MAPT: variants seen among roughly 807,000 people sequenced by gnomAD.
MAPT encodes the protein microtubule associated protein tau.
MAPT carries 34 observed loss-of-function variants against 67.9 expected under a neutral mutation model. That is an observed-to-expected ratio of 0.50 (90% CI 0.38 to 0.67). The LOEUF is 0.67. Among genes scored for constraint, MAPT ranks in the 30% least tolerant of loss-of-function variants. The pLI, the probability that MAPT is intolerant of heterozygous loss-of-function variation, is 0.00. For missense variants in MAPT, 881 were observed against 1,115.2 expected (o/e 0.79, Z 2.99); for synonymous variants, 456 against 464.5 (o/e 0.98, Z 0.23).
intron 1 of MAPT, among the ~76,000 whole-genome samples, chr17:45,950,882 C>G (rs1255406413): frequency 1.3e-5 from 2 of 152,120 alleles, no homozygotes; most frequent in Admixed American, 6.6e-5. Flanking sequence ...AGGCTGGTCT[C>G]GAACTCCTGG....
chr17:45,977,150 C>T (rs2072457209), intron 3 of MAPT: 1 of 152,462 alleles, frequency 6.6e-6, no homozygotes, highest in Non-Finnish European at 1.5e-5. Flanking sequence ...CCCGTGAGCC[C>T]ATTGCCCGCC....
rs1346195719 is a variant in MAPT at position 45,903,777 on chromosome 17, A to G, written c.-18+9091A>G. Among the ~76,000 whole-genome samples, 2 of 85,164 alleles carry G rather than the reference A, an allele frequency of 2.3e-5. 1 individual carries two copies. The highest frequency in any genetic ancestry group is 4.7e-5 in the Non-Finnish European group (2 of 42,668). The allele number at this position is 85,164 out of a possible 152,430, so 55.9% of individuals were successfully genotyped here. A position where few individuals can be genotyped will look rare whatever the true frequency, so the allele number is the denominator to read the frequency against. ...TATATTTTTTTTATATATATAATAT[A>G]TATTAAAATATAATATATATATTTA... On this transcript the variant is annotated intron_variant, in intron 1 of 12. Coordinates refer to ENST00000262410, the MANE Select transcript of MAPT (RefSeq NM_001377265.1).
In MAPT at chr17:45,945,396, A is replaced by G. The variant is rs1598085426; in HGVS notation, c.-17-16925A>G. On this transcript the variant is annotated intron_variant, in intron 1 of 12. Coordinates refer to ENST00000262410, the MANE Select transcript of MAPT (RefSeq NM_001377265.1). ...TGTAAAAGCCAATCCCTCCCCCTCT[A>G]GCATATTTAAGGGTAATGTTGAGTT... Among the ~76,000 whole-genome samples the G allele has an allele frequency of 2.0e-5, 3 of 152,140 alleles. No homozygotes were observed. In the South Asian group the frequency reaches 6.2e-4, roughly 32 times the overall value.
Position 46,024,533 on chromosome 17 carries a change from G to T in MAPT, c.*362G>T. ...AGGAGAGGCTCTGAAAGCTGCTTCT[G>T]GGGGATTTCAAGGGACTGGGGGTGC... On this transcript the variant is annotated 3_prime_UTR_variant, in exon 13 of 13. Coordinates refer to ENST00000262410, the MANE Select transcript of MAPT (RefSeq NM_001377265.1). The T allele has an allele frequency of 2.7e-6, 1 of 376,068 alleles. No homozygotes were observed. The highest frequency in any genetic ancestry group is 5.0e-6 in the Non-Finnish European group (1 of 198,120). 23.3% of individuals were successfully genotyped at this position (376,068 alleles called of 1,614,324 possible).
rs2063237512 is a variant in MAPT at position 45,896,499 on chromosome 17, G to A, written c.-18+1813G>A. The A allele has an allele frequency of 1.3e-5, 2 of 152,320 alleles. No individual in the cohort carries two copies. Among genetic ancestry groups the A allele is most frequent in the South Asian group, 4.1e-4 (2 of 4,830 alleles). The allele number at this position is 152,320 out of a possible 1,614,324, so 9.4% of individuals were successfully genotyped here. ...CCATCTTTCTGAGCCCACTGGACTG[G>A]GCGCAGAGGGGGGATTGCCATGGAA... is the stretch of plus-strand genomic sequence containing the variant. On this transcript the variant is annotated intron_variant, in intron 1 of 12. Transcript: ENST00000262410. This position sits in a 1 kb window ranked among gnomAD's most constrained non-coding sequence, Gnocchi z 5.6.
chr17:45,958,530 G>A (rs1345092574), intron 1 of MAPT, among the ~76,000 whole-genome samples: 3 of 152,094 alleles, frequency 2.0e-5, no homozygotes, highest in Non-Finnish European at 4.4e-5. Flanking sequence ...ACACCAGCCT[G>A]AGCAACATGG....
At chr17:46,022,423 T>C (rs959283143) in intron 12 of MAPT, among the ~76,000 whole-genome samples, 2 of 151,574 alleles carry the variant, frequency 1.3e-5, no homozygotes, top group African/African-American at 4.9e-5. Context: ...TTCAAAGTAG[T>C]GACCCCAAAT....
At chr17:45,923,714 C>A (rs1299149077) in intron 1 of MAPT, among the ~76,000 whole-genome samples, 1 of 152,224 alleles carries the variant, frequency 6.6e-6, no homozygotes, top group Non-Finnish European at 1.5e-5. Context: ...CTAACTCTTA[C>A]CTCTGGGAGG....
intron 1 of MAPT, among the ~76,000 whole-genome samples, chr17:45,957,336 C>A (rs1014830873): frequency 2.0e-5 from 3 of 152,204 alleles, no homozygotes; most frequent in Non-Finnish European, 2.9e-5. Context: ...ATTTGCATTT[C>A]TCTGATGGCC....
rs1233352906 is a variant in MAPT at position 45,906,119 on chromosome 17, C to T, written c.-18+11433C>T. ...TGTCCCCTTCTTTGGAAGGAAGGAGCCCCAAACCAGGGTGCAAGACAGTGG... is the reference window on the plus strand; with the variant it reads ...TGTCCCCTTCTTTGGAAGGAAGGAGTCCCAAACCAGGGTGCAAGACAGTGG... On this transcript the variant is annotated intron_variant, in intron 1 of 12. Transcript: ENST00000262410. The surrounding 1 kb of genome is among the most constrained non-coding windows in gnomAD (Gnocchi z 4.3). Among the ~76,000 whole-genome samples the T allele has an allele frequency of 1.3e-5, 2 of 152,160 alleles. No homozygotes were observed.
intron 5 of MAPT, among the ~76,000 whole-genome samples, chr17:45,985,369 C>A (rs1172413608): frequency 6.6e-6 from 1 of 151,990 alleles, no homozygotes; most frequent in African/African-American, 2.4e-5. Flanking sequence ...TGTTAAATTC[C>A]AAAACAGTAG....
In MAPT at chr17:45,902,735, C is replaced by G. The variant is rs116290284; in HGVS notation, c.-18+8049C>G. Among the ~76,000 whole-genome samples, 1,102 of 152,304 alleles carry G rather than the reference C, an allele frequency of 7.2e-3. 11 individuals are homozygous for G. The highest frequency in any genetic ancestry group is 0.025 in the African/African-American group (1,054 of 41,560). On this transcript the variant is annotated intron_variant, in intron 1 of 12. Transcript: ENST00000262410. The stretch of plus-strand genomic sequence containing the variant: ...TGAAAATAAGTTTAAATTCCCTTTG[C>G]TATATTAACTCCCCTGAGGAAAGAG...
chr17:45,899,184 T>A (rs778802418), intron 1 of MAPT, among the ~76,000 whole-genome samples: 1 of 152,084 alleles, frequency 6.6e-6, no homozygotes, highest in Non-Finnish European at 1.5e-5. Context: ...GCCACTGAGA[T>A]GTCTAGAGAG....
chr17:46,008,302 C>T (rs962638642), intron 9 of MAPT, among the ~76,000 whole-genome samples: 2 of 152,176 alleles, frequency 1.3e-5, no homozygotes, highest in African/African-American at 2.4e-5. Context: ...GTTGGCCAGG[C>T]TGCTCTTGAA....
At chr17:46,023,890 G>A in intron 12 of MAPT, 66 bp from the exon 13 acceptor site, 1 of 1,357,958 alleles carries the variant, frequency 7.4e-7, no homozygotes, top group Non-Finnish European at 1.1e-6. Flanking sequence ...GCCTGGCAGG[G>A]CAGTTGGCAG....
chr17:45,903,934 AT>A (rs1362400782), intron 1 of MAPT, among the ~76,000 whole-genome samples: 3 of 29,170 alleles, frequency 1.0e-4, no homozygotes, highest in Non-Finnish European at 1.7e-4. Flanking sequence ...TATATTATAT[AT>A]TTATATATAA....
At chr17:45,928,687 T>TTTTG (rs1014875700) in intron 1 of MAPT, among the ~76,000 whole-genome samples, 27 of 152,148 alleles carry the variant, frequency 1.8e-4, no homozygotes, top group Admixed American at 7.2e-4. Context: ...CATATATATA[T>TTTTG]TTTGTTTGTT....
At position 45,971,811 on chromosome 17, in the gene MAPT, G is replaced by A. The variant is rs755990601; in HGVS notation, c.134-48G>A. The A allele has an allele frequency of 1.5e-6, 2 of 1,326,118 alleles. No homozygotes were observed. Among genetic ancestry groups the A allele is most frequent in the Admixed American group, 1.7e-5 (1 of 59,526 alleles). 82.1% of individuals were successfully genotyped at this position (1,326,118 alleles called of 1,614,324 possible). A position where few individuals can be genotyped will look rare whatever the true frequency, so the allele number is the denominator to read the frequency against. ...CAGTTCCTCCTGAGAACAAAAGGGG[G>A]CGCTGGGGAGAGGCCACCGTTCTGA... On this transcript the variant is annotated intron_variant, in intron 2 of 12. Transcript: ENST00000262410. This position sits in a 1 kb window ranked among gnomAD's most constrained non-coding sequence, Gnocchi z 4.3.
At position 45,996,695 on chromosome 17, in the gene MAPT, G is replaced by A. The variant is rs200589381; in HGVS notation, c.1998+31G>A. On this transcript the variant is annotated intron_variant, in intron 9 of 12. Coordinates refer to ENST00000262410, the MANE Select transcript of MAPT (RefSeq NM_001377265.1). The surrounding 1 kb of genome is among the most constrained non-coding windows in gnomAD (Gnocchi z 4.5). Reference sequence around the variant, plus strand: ...AGTGGCTGGCTGCGCGTGGAGGTGTGGGGGGCTGCGCCTGGAGGGGTAGGG... The same window carrying A: ...AGTGGCTGGCTGCGCGTGGAGGTGTAGGGGGCTGCGCCTGGAGGGGTAGGG... The A allele has an allele frequency of 2.3e-5, 37 of 1,610,708 alleles. No individual in the cohort carries two copies. The African/African-American group carries it at 3.7e-4, about 16-fold the overall frequency.
Sources: allele counts gnomAD v4.1 joint callset (sites outside exome capture counted in the v4.1 genomes callset), GRCh38; gene constraint gnomAD v4.1.1; non-coding constraint Gnocchi (gnomAD v3.1); transcripts MANE v1.5; gene names NCBI Gene and HGNC (gene_info 2026-07-23, HGNC 2026-07-21).